ANKRD11: variants seen among roughly 807,000 people sequenced by gnomAD.
ANKRD11 encodes the protein ankyrin repeat domain-containing protein 11.
A neutral mutation model predicts 195.7 loss-of-function variants in ANKRD11; 17 were observed. That is an observed-to-expected ratio of 0.09 (90% CI 0.06 to 0.13). ANKRD11 has a LOEUF of 0.13. Ranked by LOEUF, ANKRD11 falls within the 10% of genes least tolerant of loss-of-function variation. The pLI is 1.00. For synonymous variants in ANKRD11, 1,953 were observed against 1,528.1 expected (o/e 1.28, Z -6.49); for missense variants, 3,735 against 3,566.1 (o/e 1.05, Z -1.21).
At chr16:89,424,998 C>G (rs555278933) in intron 1 of ANKRD11, among the ~76,000 whole-genome samples, 2 of 151,880 alleles carry the variant, frequency 1.3e-5, no homozygotes, top group East Asian at 3.9e-4. Context: ...AATGTGTTAC[C>G]ATTCGAAGAG....
intron 2 of ANKRD11, among the ~76,000 whole-genome samples, chr16:89,384,850 T>C (rs2040826773): frequency 6.9e-6 from 1 of 145,896 alleles, no homozygotes; most frequent in African/African-American, 2.6e-5. Flanking sequence ...AGAACATGTG[T>C]GTGGGAGCAC....
chr16:89,424,831 G>A (rs923997637), intron 1 of ANKRD11, among the ~76,000 whole-genome samples: 5 of 152,074 alleles, frequency 3.3e-5, no homozygotes, highest in Non-Finnish European at 5.9e-5. Context: ...CGGCAGGGAC[G>A]GGGGCCCCCA....
At chr16:89,312,128 C>T (rs987882729) in intron 3 of ANKRD11, among the ~76,000 whole-genome samples, 8 of 152,186 alleles carry the variant, frequency 5.3e-5, no homozygotes, top group Admixed American at 2.6e-4. Flanking sequence ...GAACTCCCGA[C>T]CTCGGGTGAT....
chr16:89,396,048 C>T (rs1367133679), intron 2 of ANKRD11: 1 of 152,196 alleles, frequency 6.6e-6, no homozygotes, highest in African/African-American at 2.4e-5. Context: ...GACATGAGTA[C>T]TGGCAGATCA....
intron 2 of ANKRD11, among the ~76,000 whole-genome samples, chr16:89,352,304 C>T (rs1312711981): frequency 6.6e-6 from 1 of 151,902 alleles, no homozygotes; most frequent in Non-Finnish European, 1.5e-5. Context: ...CATCACGCCA[C>T]GCGGTGCAGA....
At chr16:89,367,732 CATCCT>C (rs1358386473) in intron 2 of ANKRD11, among the ~76,000 whole-genome samples, 1 of 152,224 alleles carries the variant, frequency 6.6e-6, no homozygotes, top group Non-Finnish European at 1.5e-5. Flanking sequence ...CCACGCATCC[CATCCT>C]GACTACCCCC....
intron 4 of ANKRD11, among the ~76,000 whole-genome samples, chr16:89,292,059 T>A (rs1157866996): frequency 6.6e-6 from 1 of 152,210 alleles, no homozygotes; most frequent in East Asian, 1.9e-4. Flanking sequence ...CAGACACCTC[T>A]GAATCCTCCT....
intron 2 of ANKRD11, chr16:89,323,275 C>G: frequency 7.8e-7 from 1 of 1,287,076 alleles, no homozygotes; most frequent in African/African-American, 1.5e-5. Flanking sequence ...GGCAGGCCTA[C>G]TGTGTGCAAA....
chr16:89,439,562 A>G (rs1477772939), intron 1 of ANKRD11, among the ~76,000 whole-genome samples: 2 of 152,236 alleles, frequency 1.3e-5, no homozygotes, highest in African/African-American at 2.4e-5. Flanking sequence ...CTAAAATGCA[A>G]TGTGATATTT....
intron 1 of ANKRD11, among the ~76,000 whole-genome samples, chr16:89,438,670 T>TG (rs984453080): frequency 3.3e-5 from 5 of 152,090 alleles, no homozygotes; most frequent in African/African-American, 9.7e-5. Context: ...TGGGTCATGA[T>TG]GGACAGTTTG....
chr16:89,379,069 C>T (rs1032400633), intron 2 of ANKRD11, among the ~76,000 whole-genome samples: 4 of 152,216 alleles, frequency 2.6e-5, no homozygotes, highest in Non-Finnish European at 5.9e-5. Context: ...AACTTAGGGT[C>T]GTCCATGCCC....
intron 5 of ANKRD11, 56 bp downstream of exon 5, chr16:89,290,957 T>A: frequency 6.2e-7 from 1 of 1,610,422 alleles, no homozygotes; most frequent in South Asian, 1.1e-5. Context: ...GCCATGAGGC[T>A]GCGACCAGGC....
At position 89,281,578 on chromosome 16, in the gene ANKRD11, T is replaced by C. The variant is rs770892853; in HGVS notation, c.4964A>G (p.Lys1655Arg). ...LDPPFKDKKL[K>R]ESTPIPPAAE... The stretch of plus-strand genomic sequence containing the variant: ...GGCAGGTGGAATAGGAGTCGACTCT[T>C]TGAGCTTTTTGTCTTTAAATGGAGG... The change falls in exon 9 of 13, where the codon AAA (lysine) becomes AGA (arginine). Residue 1655 changes from lysine (K) to arginine (R), a missense_variant. Transcript: ENST00000301030. This position sits in a 1 kb window ranked among gnomAD's most constrained non-coding sequence, Gnocchi z 5.5. 8.1e-6 allele frequency: 13 copies of C among 1,614,062 alleles called. 2 individuals are homozygous for C. In the African/African-American group the frequency reaches 1.1e-4, roughly 13 times the overall value.
chr16:89,485,870 A>G (rs2057595379), intron 1 of ANKRD11, among the ~76,000 whole-genome samples: 1 of 152,170 alleles, frequency 6.6e-6, no homozygotes, highest in Non-Finnish European at 1.5e-5. Flanking sequence ...GAGACACTTA[A>G]TCCTCATAAG....
chr16:89,379,725 G>C (rs1468998924), intron 2 of ANKRD11, among the ~76,000 whole-genome samples: 2 of 152,236 alleles, frequency 1.3e-5, no homozygotes, highest in African/African-American at 2.4e-5. Flanking sequence ...ACGGATTTGC[G>C]AAGAACGTGT....
intron 2 of ANKRD11, among the ~76,000 whole-genome samples, chr16:89,379,383 T>C (rs556461088): frequency 6.6e-6 from 1 of 152,252 alleles, no homozygotes; most frequent in South Asian, 2.1e-4. Context: ...TTTCATTATA[T>C]GTCGAAAGCT....
chr16:89,324,715 GTT>G, intron 2 of ANKRD11: 1 of 323,236 alleles, frequency 3.1e-6, no homozygotes, highest in Non-Finnish European at 6.1e-6. Flanking sequence ...CAGCTTTTGG[GTT>G]CTTGGACCTA....
Position 89,351,056 on chromosome 16 carries a change from G to A in ANKRD11, c.-59-33978C>T, listed in dbSNP as rs116021676. 3.2e-3 allele frequency among the ~76,000 whole-genome samples: 490 copies of A among 152,242 alleles called. 3 individuals are homozygous for A. The highest frequency in any genetic ancestry group is 0.011 in the African/African-American group (458 of 41,516). ...ACGCATTTCTCAGGATGCATCCCCCGACCGCTATTAAAATTGATGCATTCC... is the reference window on the plus strand; with the variant it reads ...ACGCATTTCTCAGGATGCATCCCCCAACCGCTATTAAAATTGATGCATTCC... On this transcript the variant is annotated intron_variant, in intron 2 of 12. Transcript: ENST00000301030.
At chr16:89,375,012 G>T (rs1020146874) in intron 2 of ANKRD11, among the ~76,000 whole-genome samples, 6 of 151,998 alleles carry the variant, frequency 3.9e-5, no homozygotes, top group African/African-American at 1.5e-4. Flanking sequence ...ACTATACACA[G>T]ATTATAAAAA....
Sources: allele counts gnomAD v4.1 joint callset (sites outside exome capture counted in the v4.1 genomes callset), GRCh38; gene constraint gnomAD v4.1.1; non-coding constraint Gnocchi (gnomAD v3.1); transcripts MANE v1.5; gene names NCBI Gene and HGNC (gene_info 2026-07-23, HGNC 2026-07-21).